SYN3: variants seen among roughly 807,000 people sequenced by gnomAD.
SYN3 encodes the protein synapsin-3.
In SYN3, 35 loss-of-function variants were observed where a neutral mutation model predicts 65.8. The ratio of observed to expected loss-of-function variants is 0.53; its 90% CI spans 0.41 to 0.70. The LOEUF is 0.70. SYN3 is among the 30% of genes least tolerant of loss of function. The pLI, the probability that SYN3 is intolerant of heterozygous loss-of-function variation, is 0.00. For missense variants in SYN3, 680 were observed against 749.0 expected (o/e 0.91, Z 1.08); for synonymous variants, 270 against 292.9 (o/e 0.92, Z 0.80).
At chr22:32,755,451 C>T (rs2045261068) in intron 6 of SYN3, among the ~76,000 whole-genome samples, 2 of 152,158 alleles carry the variant, frequency 1.3e-5, no homozygotes, top group Non-Finnish European at 2.9e-5. Flanking sequence ...AAGGGGCTCC[C>T]ATGATGATGG....
chr22:32,797,121 CCAGGA>C (rs1409100283), intron 6 of SYN3, among the ~76,000 whole-genome samples: 3 of 152,174 alleles, frequency 2.0e-5, no homozygotes, highest in Non-Finnish European at 4.4e-5. Flanking sequence ...AGACGACCGA[CCAGGA>C]CTGCAGGCTG....
At chr22:32,929,109 C>G (rs1052192296) in intron 4 of SYN3, among the ~76,000 whole-genome samples, 2 of 152,110 alleles carry the variant, frequency 1.3e-5, no homozygotes, top group Non-Finnish European at 2.9e-5. Context: ...ATGGCAAAAC[C>G]CTGTTTCTAC....
intron 1 of SYN3, among the ~76,000 whole-genome samples, chr22:33,008,974 GAAAAGAAAAAGAA>G (rs1416402732): frequency 5.8e-4 from 75 of 130,018 alleles, no homozygotes; most frequent in Non-Finnish European, 1.0e-3. Flanking sequence ...GAGAGAGAGA[GAAAAGAAAAAGAA>G]AAAAGAAAAA....
At chr22:32,587,843 G>T (rs187279754) in intron 7 of SYN3, among the ~76,000 whole-genome samples, 100 of 152,086 alleles carry the variant, frequency 6.6e-4, no homozygotes, top group African/African-American at 2.4e-3. Context: ...ATTACTCTAG[G>T]GTCTTCTTAG....
At chr22:32,918,920 C>T (rs572007412) in intron 4 of SYN3, among the ~76,000 whole-genome samples, 8 of 152,296 alleles carry the variant, frequency 5.3e-5, no homozygotes, top group African/African-American at 1.4e-4. Context: ...CCAGCCCAGG[C>T]GGTCTGCTTT....
intron 6 of SYN3, among the ~76,000 whole-genome samples, chr22:32,800,197 C>T (rs1451386939): frequency 6.6e-6 from 1 of 152,208 alleles, no homozygotes; most frequent in Non-Finnish European, 1.5e-5. Context: ...GCTGAACTTG[C>T]ATTTCTCCCT....
chr22:32,832,542 T>G (rs760838698), intron 6 of SYN3, among the ~76,000 whole-genome samples: 9 of 110,818 alleles, frequency 8.1e-5, no homozygotes, highest in Non-Finnish European at 1.3e-4. Context: ...TAAGCCTGGG[T>G]TTTTTTTTTT....
At chr22:32,804,742 A>C (rs2046680515) in intron 6 of SYN3, among the ~76,000 whole-genome samples, 1 of 152,108 alleles carries the variant, frequency 6.6e-6, no homozygotes. Flanking sequence ...CAGGCCCTGC[A>C]CCCTATGGAA....
At chr22:32,757,220 C>T (rs1255820254) in intron 6 of SYN3, among the ~76,000 whole-genome samples, 2 of 151,942 alleles carry the variant, frequency 1.3e-5, no homozygotes, top group African/African-American at 4.8e-5. Flanking sequence ...GGAACACTGC[C>T]ACCAGGAGAC....
intron 2 of SYN3, among the ~76,000 whole-genome samples, chr22:32,992,509 C>A (rs1047198755): frequency 6.6e-6 from 1 of 152,184 alleles, no homozygotes; most frequent in South Asian, 2.1e-4. Flanking sequence ...CTTGGCCTTA[C>A]ACCACTTAAA....
At chr22:33,028,091 T>A (rs916996354) in intron 1 of SYN3, among the ~76,000 whole-genome samples, 1 of 151,958 alleles carries the variant, frequency 6.6e-6, no homozygotes, top group Admixed American at 6.6e-5. Flanking sequence ...CTGGGTCCAG[T>A]TTTAATTACA....
chr22:32,532,838 TTGTG>T (rs2058099961), intron 10 of SYN3, among the ~76,000 whole-genome samples: 3 of 152,028 alleles, frequency 2.0e-5, no homozygotes, highest in Non-Finnish European at 4.4e-5. Flanking sequence ...TGTCCTGGCC[TTGTG>T]TCAGCACCGC....
At position 32,633,331 on chromosome 22, in the gene SYN3, G is replaced by A. The variant is rs112575597; in HGVS notation, c.712-36595C>T. On this transcript the variant is annotated intron_variant, in intron 6 of 13. Coordinates refer to ENST00000358763, the MANE Select transcript of SYN3 (RefSeq NM_003490.4). The stretch of plus-strand genomic sequence containing the variant: ...ACTCCGAGGAACAGTGACTTGTCCC[G>A]GGTCACACAGTTAAGTGGCAGAGCC... 2.6e-5 allele frequency among the ~76,000 whole-genome samples: 4 copies of A among 152,244 alleles called. No individual in the cohort carries two copies. The East Asian group carries it at 5.8e-4, about 22-fold the overall frequency.
At chr22:32,562,137 C>A (rs1172483466) in intron 7 of SYN3, among the ~76,000 whole-genome samples, 1 of 152,120 alleles carries the variant, frequency 6.6e-6, no homozygotes, top group East Asian at 1.9e-4. Context: ...GAGATAACAT[C>A]CCCCCCAATA....
rs926127404 is a variant in SYN3, at chr22:32,965,780, C to T, written c.369+14865G>A. 9.2e-5 allele frequency among the ~76,000 whole-genome samples: 14 copies of T among 152,136 alleles called. No homozygotes were observed. In the East Asian group the frequency reaches 9.7e-4, roughly 10 times the overall value. ...CACGATCTCGGCTCACTGCAAGCTC[C>T]GCCTCCCGGGTTCGCGCCATTCTCC... On this transcript the variant is annotated intron_variant, in intron 3 of 13. Transcript: ENST00000358763.
chr22:32,937,814 A>G (rs1398274423), intron 3 of SYN3, among the ~76,000 whole-genome samples: 2 of 146,248 alleles, frequency 1.4e-5, no homozygotes, highest in Admixed American at 7.1e-5. Flanking sequence ...ACAACCCAAA[A>G]TGAAGCACAG....
chr22:32,696,755 A>G (rs767073750), intron 6 of SYN3, among the ~76,000 whole-genome samples: 6 of 151,958 alleles, frequency 3.9e-5, no homozygotes, highest in Admixed American at 6.5e-5. Context: ...TACTCTTCCT[A>G]TCCCCTCTCT....
intron 6 of SYN3, among the ~76,000 whole-genome samples, chr22:32,850,498 G>GT: frequency 6.6e-6 from 1 of 152,220 alleles, no homozygotes; most frequent in South Asian, 2.1e-4. Context: ...TCAGCAACTG[G>GT]TTCATCACCC....
At chr22:32,580,305 C>A (rs2058920224) in intron 7 of SYN3, among the ~76,000 whole-genome samples, 1 of 152,180 alleles carries the variant, frequency 6.6e-6, no homozygotes, top group East Asian at 1.9e-4. Context: ...ATGGTTTCAC[C>A]TTCTGTGGTT....
Sources: gnomAD v4.1 joint callset for allele counts (sites outside exome capture counted in the v4.1 genomes callset) on GRCh38, gnomAD v4.1.1 for gene constraint, MANE v1.5 for transcripts, NCBI Gene and HGNC (gene_info 2026-07-23, HGNC 2026-07-21) for gene names.